Variants in COQ2 observed in about 807,000 individuals in gnomAD.
COQ2 encodes 4-hydroxybenzoate polyprenyltransferase, mitochondrial.
Under a neutral mutation model 35.7 loss-of-function variants are expected in COQ2, and 25 were observed. The ratio of observed to expected loss-of-function variants is 0.70; its 90% CI spans 0.51 to 0.98. The LOEUF is 0.98. Among genes scored for constraint, COQ2 ranks in the 50% least tolerant of loss-of-function variants. The pLI is 0.00. For synonymous variants in COQ2, 206 were observed against 186.2 expected (o/e 1.11, Z -0.86); for missense variants, 488 against 473.5 (o/e 1.03, Z -0.28).
intron 2 of COQ2, among the ~76,000 whole-genome samples, chr4:83,275,304 T>C (rs1258160058): frequency 6.6e-6 from 1 of 152,246 alleles, no homozygotes; most frequent in Non-Finnish European, 1.5e-5. Context: ...TTGACTTTTT[T>C]TGACACTGCT....
At chr4:83,284,441 G>A in intron 1 of COQ2, 71 bp downstream of exon 1, 2 of 1,490,964 alleles carry the variant, frequency 1.3e-6, no homozygotes, top group Non-Finnish European at 1.8e-6. Context: ...GGCCGCCGCG[G>A]ACAGCTCCGC....
chr4:83,284,760 A>C lies in COQ2; in HGVS notation c.5T>G (p.Leu2Arg). Residue 2 changes from leucine to arginine, a missense_variant, in exon 1 of 7, where the codon CTG becomes CGG. Coordinates refer to ENST00000647002, the MANE Select transcript of COQ2 (RefSeq NM_001358921.2). M[L>R]GSRAAGFARG... ...CGCGAACCCCGCGGCTCGCGAGCCC[A>C]GCATGGCGCTGGTGAGGCCGGGACG... 1 of 1,546,244 alleles carries C rather than the reference A, an allele frequency of 6.5e-7. No individual in the cohort carries two copies. Among genetic ancestry groups the C allele is most frequent in the South Asian group, 1.2e-5 (1 of 83,688 alleles).
chr4:83,277,973 AACACACAC>A (rs10595798), intron 2 of COQ2, among the ~76,000 whole-genome samples: 31,657 of 139,954 alleles, frequency 0.23, 3,666 homozygotes, highest in East Asian at 0.31. Context: ...TCCATCTCAA[AACACACAC>A]ACACACACAC....
At chr4:83,277,577 C>G (rs1735212123) in intron 2 of COQ2, among the ~76,000 whole-genome samples, 2 of 152,196 alleles carry the variant, frequency 1.3e-5, no homozygotes, top group African/African-American at 4.8e-5. Context: ...AATAACTAAA[C>G]CCTGAATGTC....
At chr4:83,270,689 G>A (rs1466275184) in intron 4 of COQ2, among the ~76,000 whole-genome samples, 1 of 152,106 alleles carries the variant, frequency 6.6e-6, no homozygotes. Flanking sequence ...CTGATGAAGT[G>A]CCTCTCCTTT....
At chr4:83,283,541 CT>C in intron 1 of COQ2, 3 of 985,488 alleles carry the variant, frequency 3.0e-6, no homozygotes, top group Non-Finnish European at 3.6e-6. Flanking sequence ...CTTCTCGAAA[CT>C]TTCCAGCAAG....
intron 2 of COQ2, among the ~76,000 whole-genome samples, chr4:83,276,059 AATATATATTTT>A (rs1735168045): frequency 2.1e-4 from 4 of 18,962 alleles, no homozygotes; most frequent in South Asian, 4.9e-3. Flanking sequence ...TATTATATAT[AATATATATTTT>A]ATATATAATA....
chr4:83,270,265 G>A (rs755309606), intron 4 of COQ2, among the ~76,000 whole-genome samples: 1 of 152,108 alleles, frequency 6.6e-6, no homozygotes, highest in Admixed American at 6.5e-5. Flanking sequence ...GTAAATAGGA[G>A]GTTTAAAGAG....
At position 83,266,920 on chromosome 4, in the gene COQ2, A is replaced by AT. The variant is rs917693737; in HGVS notation, c.951+665dup. ...CTACTAACCATCACTAGAAACCCAG[A>AT]TTTTTTTTTAAAAGCTTTATCTGTC... On this transcript the variant is annotated intron_variant, in intron 6 of 6. Coordinates refer to ENST00000647002, the MANE Select transcript of COQ2 (RefSeq NM_001358921.2). The AT allele has an allele frequency of 3.1e-4, 89 of 283,386 alleles. No individual in the cohort carries two copies. The Middle Eastern group carries it at 3.9e-3, about 13-fold the overall frequency. The allele number at this position is 283,386 out of a possible 1,614,324, so 17.6% of individuals were successfully genotyped here. A position where few individuals can be genotyped will look rare whatever the true frequency, so the allele number is the denominator to read the frequency against.
At chr4:83,267,019 G>C (rs1046992506) in intron 6 of COQ2, 1 of 356,084 alleles carries the variant, frequency 2.8e-6, no homozygotes, top group Non-Finnish European at 5.5e-6. Context: ...ACATGAATCA[G>C]AAGTAATTCC....
intron 1 of COQ2, among the ~76,000 whole-genome samples, chr4:83,280,326 T>C (rs11099588): frequency 0.91 from 137,963 of 152,262 alleles, 63,174 homozygotes; most frequent in East Asian, 0.99. Flanking sequence ...CTGAGCTTTC[T>C]TTCCCTATAG....
intron 2 of COQ2, among the ~76,000 whole-genome samples, chr4:83,276,812 A>C (rs1324152424): frequency 6.6e-6 from 1 of 152,256 alleles, no homozygotes; most frequent in African/African-American, 2.4e-5. Flanking sequence ...TCAATGGATG[A>C]CTAGATTAAA....
rs1179845960 is a variant in COQ2 at position 83,280,016 on chromosome 4, A to T, written c.254-902T>A. Among the ~76,000 whole-genome samples, 3 of 152,120 alleles carry T rather than the reference A, an allele frequency of 2.0e-5. No homozygotes were observed. In the East Asian group the frequency reaches 5.8e-4, roughly 29 times the overall value. On this transcript the variant is annotated intron_variant, in intron 1 of 6. Coordinates refer to ENST00000647002, the MANE Select transcript of COQ2 (RefSeq NM_001358921.2). ...GCTGGAACTACAGGTGCAAGCCACC[A>T]TGCCCAGGGAATTATGTTGCCCAGG... is the stretch of plus-strand genomic sequence containing the variant.
At chr4:83,279,866 T>TC (rs1367715200) in intron 1 of COQ2, among the ~76,000 whole-genome samples, 2 of 149,156 alleles carry the variant, frequency 1.3e-5, no homozygotes, top group African/African-American at 5.0e-5. Flanking sequence ...TAGTCTTTTT[T>TC]TTTTTTTTTT....
At chr4:83,265,000 C>T (rs1048498044) in intron 6 of COQ2, among the ~76,000 whole-genome samples, 78 of 152,136 alleles carry the variant, frequency 5.1e-4, no homozygotes, top group African/African-American at 1.9e-3. Flanking sequence ...ACCAAAAATG[C>T]CCTCCCACAT....
chr4:83,278,741 C>G (rs1473796519), intron 2 of COQ2, among the ~76,000 whole-genome samples: 2 of 152,198 alleles, frequency 1.3e-5, no homozygotes, highest in African/African-American at 2.4e-5. Context: ...ACACCTTGCC[C>G]CTGGGGCCAC....
At position 83,284,532 on chromosome 4, in the gene COQ2, A is replaced by G. The variant is rs531492140; in HGVS notation, c.233T>C (p.Met78Thr). 16 of 1,576,058 alleles carry G rather than the reference A, an allele frequency of 1.0e-5. No individual in the cohort carries two copies. Among genetic ancestry groups the G allele is most frequent in the Non-Finnish European group, 1.1e-5 (13 of 1,162,742 alleles). The change falls in exon 1 of 7, where the codon ATG (methionine) becomes ACG (threonine). Residue 78 changes from methionine to threonine, a missense_variant. Physicochemically the swap from Met to Thr is moderately conservative, Grantham distance 81 (BLOSUM62 -1). Transcript: ENST00000647002. The part of the protein sequence containing the change: ...PRPLQPYLRL[M>T]RLDKPIGTWL... Reference sequence around the variant, plus strand: ...CTCACCAATGGGCTTGTCCAACCGCATGAGGCGCAAGTACGGCTGCAGGGG... The same window carrying G: ...CTCACCAATGGGCTTGTCCAACCGCGTGAGGCGCAAGTACGGCTGCAGGGG...
Position 83,284,781 on chromosome 4 carries a change from G to C in COQ2, c.-17C>G, listed in dbSNP as rs780264467. 1 of 1,564,084 alleles carries C rather than the reference G, an allele frequency of 6.4e-7. No homozygotes were observed. The highest frequency in any genetic ancestry group is 2.4e-5 in the East Asian group (1 of 41,878). On this transcript the variant is annotated 5_prime_UTR_variant, in exon 1 of 7. Coordinates refer to ENST00000647002, the MANE Select transcript of COQ2 (RefSeq NM_001358921.2). ...GCCCAGCATGGCGCTGGTGAGGCCGGGACGAGCTCGGATTGACGTCATTCC... is the reference window on the plus strand; with the variant it reads ...GCCCAGCATGGCGCTGGTGAGGCCGCGACGAGCTCGGATTGACGTCATTCC...
chr4:83,266,425 T>C (rs1734920576), intron 6 of COQ2, among the ~76,000 whole-genome samples: 1 of 151,934 alleles, frequency 6.6e-6, no homozygotes, highest in South Asian at 2.1e-4. Context: ...TGGTGTGATC[T>C]TGGCTCACTG....
Sources: gnomAD v4.1 joint callset for allele counts (sites outside exome capture counted in the v4.1 genomes callset) on GRCh38, gnomAD v4.1.1 for gene constraint, MANE v1.5 for transcripts, NCBI Gene and HGNC (gene_info 2026-07-23, HGNC 2026-07-21) for gene names.